The following TMEM204 variants were observed in gnomAD, a reference collection of about 807,000 sequenced individuals.
The protein encoded by TMEM204 is transmembrane protein 204.
TMEM204 carries 15 observed loss-of-function variants against 19.4 expected under a neutral mutation model. The ratio of observed to expected loss-of-function variants is 0.77; its 90% CI spans 0.52 to 1.19. The LOEUF (loss-of-function observed/expected upper bound fraction) is 1.19, where lower values mean the gene tolerates loss of function less well. Among genes scored for constraint, TMEM204 ranks in the 50% most tolerant of loss-of-function variants. TMEM204 has a pLI of 0.00. For synonymous variants in TMEM204, 161 were observed against 146.0 expected (o/e 1.10, Z -0.74); for missense variants, 287 against 321.2 (o/e 0.89, Z 0.81).
In TMEM204 at chr16:1,534,088, A is replaced by G; in HGVS notation, c.-188A>G. ...ACAGGCCTGGCCCTGCTCCAGGTGC[A>G]GGAAGGAGGATAAGGCCGGGCCGAG... On this transcript the variant is annotated 5_prime_UTR_variant, in exon 1 of 3. Coordinates refer to ENST00000566264, the MANE Select transcript of TMEM204 (RefSeq NM_024600.6). 1 of 663,480 alleles carries G rather than the reference A, an allele frequency of 1.5e-6. No individual in the cohort carries two copies. Among genetic ancestry groups the G allele is most frequent in the Non-Finnish European group, 2.4e-6 (1 of 414,482 alleles). The allele number at this position is 663,480 out of a possible 1,614,324, so 41.1% of individuals were successfully genotyped here. A position where few individuals can be genotyped will look rare whatever the true frequency, so the allele number is the denominator to read the frequency against.
chr16:1,534,943 G>A (rs1317971175), intron 1 of TMEM204, among the ~76,000 whole-genome samples: 1 of 152,138 alleles, frequency 6.6e-6, no homozygotes, highest in African/African-American at 2.4e-5. Flanking sequence ...AGTGGTTCAC[G>A]TCTGTAATCC....
intron 1 of TMEM204, among the ~76,000 whole-genome samples, chr16:1,535,094 CAAG>C (rs1191879466): frequency 2.0e-5 from 3 of 151,816 alleles, no homozygotes; most frequent in Non-Finnish European, 4.4e-5. Context: ...GTAAAATAAA[CAAG>C]AAGTTTAAAA....
upstream of TMEM204, among the ~76,000 whole-genome samples, chr16:1,530,231 C>T (rs1394677791): frequency 2.0e-5 from 3 of 150,226 alleles, no homozygotes; most frequent in African/African-American, 4.9e-5. Flanking sequence ...CTCTGCCTCC[C>T]GAGTGATTCT....
At chr16:1,539,633 T>C (rs1489618955) in intron 1 of TMEM204, among the ~76,000 whole-genome samples, 1 of 152,226 alleles carries the variant, frequency 6.6e-6, no homozygotes, top group Non-Finnish European at 1.5e-5. Context: ...ACTCTGCAGT[T>C]ACTTTGGAGA....
In TMEM204 at chr16:1,541,409, ACAC is replaced by A; in HGVS notation, c.281-506_281-504del. 6.1e-6 allele frequency: 6 copies of A among 985,222 alleles called. No individual in the cohort carries two copies. In the African/African-American group the frequency reaches 8.7e-5, roughly 14 times the overall value. The allele number at this position is 985,222 out of a possible 1,614,324, so 61.0% of individuals were successfully genotyped here. ...GTCCCTCAGCTGCTGGGAGGAGGGA[ACAC>A]CACCATGAGCCGCTTGGGGGTCGGG... On this transcript the variant is annotated intron_variant, in intron 1 of 2. Coordinates refer to ENST00000566264, the MANE Select transcript of TMEM204 (RefSeq NM_024600.6).
chr16:1,547,575 T>C (rs111833008), intron 2 of TMEM204, among the ~76,000 whole-genome samples: 3,216 of 152,290 alleles, frequency 0.021, 113 homozygotes, highest in African/African-American at 0.072. Flanking sequence ...CTCACTCCGA[T>C]ACCCAGCCTG....
chr16:1,537,134 G>A (rs2031153324), intron 1 of TMEM204, among the ~76,000 whole-genome samples: 1 of 152,224 alleles, frequency 6.6e-6, no homozygotes, highest in Admixed American at 6.5e-5. Context: ...CTGGGTGCTG[G>A]TTTGCTCACA....
At chr16:1,538,798 C>T (rs927233368) in intron 1 of TMEM204, among the ~76,000 whole-genome samples, 9 of 152,268 alleles carry the variant, frequency 5.9e-5, no homozygotes, top group South Asian at 2.1e-4. Context: ...GGCCTCACTC[C>T]GGTCCCTGCA....
upstream of TMEM204, among the ~76,000 whole-genome samples, chr16:1,530,131 A>ATTTTTTTTTTT (rs2030295926): frequency 2.4e-5 from 3 of 126,540 alleles, no homozygotes; most frequent in African/African-American, 1.1e-4. Flanking sequence ...CACGACGGGA[A>ATTTTTTTTTTT]TCTTTTTTTT....
Position 1,541,653 on chromosome 16 carries a change from T to C in TMEM204, c.281-268T>C, listed in dbSNP as rs533472364. On this transcript the variant is annotated intron_variant, in intron 1 of 2. Transcript: ENST00000566264. ...TCTCAGGAAGACAGAAATAGCAGAG[T>C]AGGGCCCGTCCCTGCAGGGATACGA... 1.4e-3 allele frequency: 471 copies of C among 335,340 alleles called. 2 individuals are homozygous for C. Among genetic ancestry groups the C allele is most frequent in the Non-Finnish European group, 1.8e-3 (424 of 236,162 alleles). The allele number at this position is 335,340 out of a possible 1,614,324, so 20.8% of individuals were successfully genotyped here.
In TMEM204 at chr16:1,554,665, C is replaced by A. The variant is rs2032944874; in HGVS notation, c.437-117C>A. The A allele has an allele frequency of 6.3e-6, 9 of 1,435,498 alleles. No individual in the cohort carries two copies. In the South Asian group the frequency reaches 1.2e-4, roughly 19 times the overall value. The allele number at this position is 1,435,498 out of a possible 1,614,324, so 88.9% of individuals were successfully genotyped here. A position where few individuals can be genotyped will look rare whatever the true frequency, so the allele number is the denominator to read the frequency against. On this transcript the variant is annotated intron_variant, in intron 2 of 2. Transcript: ENST00000566264. ...AAGCAGGCTGGAACCCGCTCTAGGA[C>A]AGAGGGCTGGGGAAGGATAAAGCAG...
chr16:1,536,016 C>T (rs948454325), intron 1 of TMEM204, among the ~76,000 whole-genome samples: 5 of 152,246 alleles, frequency 3.3e-5, no homozygotes, highest in African/African-American at 4.8e-5. Context: ...GCGGGGGCAG[C>T]GGCTTTAGGC....
chr16:1,539,744 T>C (rs1482267628), intron 1 of TMEM204, among the ~76,000 whole-genome samples: 1 of 152,198 alleles, frequency 6.6e-6, no homozygotes, highest in Non-Finnish European at 1.5e-5. Flanking sequence ...CCGCTTCCCA[T>C]GGCCCTGTCA....
At position 1,553,824 on chromosome 16, in the gene TMEM204, G is replaced by A. The variant is rs1159120645; in HGVS notation, c.437-958G>A. On this transcript the variant is annotated intron_variant, in intron 2 of 2. Transcript: ENST00000566264. This position sits in a 1 kb window ranked among gnomAD's most constrained non-coding sequence, Gnocchi z 4.4. ...TGTTTCCAGCTGGATTAGGACGCCC[G>A]GCTCCATCGCTGCGGCCACAGTGTC... is the stretch of plus-strand genomic sequence containing the variant. 46 of 1,206,934 alleles carry A rather than the reference G, an allele frequency of 3.8e-5. No homozygotes were observed. The South Asian group carries it at 5.1e-4, about 13-fold the overall frequency. 74.8% of individuals were successfully genotyped at this position (1,206,934 alleles called of 1,614,324 possible).
At chr16:1,549,462 T>C (rs1007978273) in intron 2 of TMEM204, among the ~76,000 whole-genome samples, 1 of 152,234 alleles carries the variant, frequency 6.6e-6, no homozygotes, top group Non-Finnish European at 1.5e-5. Context: ...CTTTCGCTCT[T>C]GTTGCCCAGG....
intron 2 of TMEM204, among the ~76,000 whole-genome samples, chr16:1,546,072 CCT>C (rs1259347845): frequency 6.6e-6 from 1 of 152,224 alleles, no homozygotes; most frequent in African/African-American, 2.4e-5. Flanking sequence ...CTGCACTGCA[CCT>C]CTGTTCTTTC....
chr16:1,537,520 C>T (rs1034362108), intron 1 of TMEM204, among the ~76,000 whole-genome samples: 5 of 152,240 alleles, frequency 3.3e-5, no homozygotes, highest in Admixed American at 1.3e-4. Context: ...GGTTCAGGCC[C>T]TCCCGTGCCC....
chr16:1,540,281 G>A (rs2031506534), intron 1 of TMEM204, among the ~76,000 whole-genome samples: 1 of 152,258 alleles, frequency 6.6e-6, no homozygotes, highest in Non-Finnish European at 1.5e-5. Context: ...TTCAATAAAT[G>A]TTGAGGTTGA....
chr16:1,542,951 G>A (rs1359843364), intron 2 of TMEM204, among the ~76,000 whole-genome samples: 3 of 152,272 alleles, frequency 2.0e-5, no homozygotes, highest in Non-Finnish European at 2.9e-5. Context: ...GGGTCCTGCG[G>A]TGTTCTAGAC....
Sources: gnomAD v4.1 joint callset for allele counts (sites outside exome capture counted in the v4.1 genomes callset) on GRCh38, gnomAD v4.1.1 for gene constraint, Gnocchi (gnomAD v3.1) non-coding constraint, MANE v1.5 for transcripts, NCBI Gene and HGNC (gene_info 2026-07-23, HGNC 2026-07-21) for gene names.